DSCAM: variants seen among roughly 807,000 people sequenced by gnomAD.
The protein encoded by DSCAM is DS cell adhesion molecule, also known as cell adhesion molecule DSCAM.
In DSCAM, 47 loss-of-function variants were observed where a neutral mutation model predicts 217.7. The ratio of observed to expected loss-of-function variants is 0.22; its 90% confidence interval spans 0.17 to 0.28. The LOEUF (loss-of-function observed/expected upper bound fraction) is 0.28. Ranked by LOEUF, DSCAM falls within the 10% of genes least tolerant of loss-of-function variation. The probability of loss-of-function intolerance (pLI) is 1.00; values close to 1 mark genes in which losing one functional copy is unlikely to be tolerated. For missense variants in DSCAM, 2,080 were observed against 2,618.3 expected, an observed-to-expected ratio of 0.79 and a Z score of 4.49; for synonymous variants, 1,056 against 1,015.3, an observed-to-expected ratio of 1.04 and a Z score of -0.76.
intron 3 of DSCAM, among the ~76,000 whole-genome samples, chr21:40,671,842 G>A (rs2090279827): frequency 7.9e-5 from 12 of 152,142 alleles, no homozygotes. Context: ...AGTTCTCCAA[G>A]AAACCACAGT....
chr21:40,365,798 C>A (rs765161836), intron 4 of DSCAM, among the ~76,000 whole-genome samples: 1 of 152,178 alleles, frequency 6.6e-6, no homozygotes, highest in Non-Finnish European at 1.5e-5. Context: ...TAGCTCCTAA[C>A]AGCCATGAGC....
chr21:40,832,606 G>A (rs1354307285), intron 1 of DSCAM, among the ~76,000 whole-genome samples: 1 of 152,122 alleles, frequency 6.6e-6, no homozygotes, highest in African/African-American at 2.4e-5. Flanking sequence ...GAACGCAAGA[G>A]GCTATCGTTT....
At chr21:40,846,515 AAAAG>A (rs1349089533) in intron 1 of DSCAM, 100 bp downstream of exon 1, 12 of 428,860 alleles carry the variant, frequency 2.8e-5, no homozygotes, top group Admixed American at 1.1e-4. Flanking sequence ...ATGAAGCGGA[AAAAG>A]AAAGAAGACT....
chr21:40,017,896 T>TA (rs1415727267), intron 32 of DSCAM, among the ~76,000 whole-genome samples: 1 of 152,234 alleles, frequency 6.6e-6, no homozygotes, highest in Non-Finnish European at 1.5e-5. Context: ...GGCATTCTTG[T>TA]AAAAAGGGTT....
At chr21:40,159,238 GAT>G (rs2146754956) in intron 16 of DSCAM, among the ~76,000 whole-genome samples, 1 of 152,230 alleles carries the variant, frequency 6.6e-6, no homozygotes, top group East Asian at 1.9e-4. Flanking sequence ...TTCTTGATTG[GAT>G]ATATGTTTTC....
At chr21:40,832,210 A>G (rs1271633739) in intron 1 of DSCAM, among the ~76,000 whole-genome samples, 2 of 152,186 alleles carry the variant, frequency 1.3e-5, no homozygotes, top group Admixed American at 6.5e-5. Flanking sequence ...CTTCTTTACG[A>G]TGGTCATAAT....
At chr21:40,289,774 T>G (rs2073868755) in intron 10 of DSCAM, among the ~76,000 whole-genome samples, 1 of 151,488 alleles carries the variant, frequency 6.6e-6, no homozygotes, top group African/African-American at 2.4e-5. Context: ...CCCCTGGGGG[T>G]CTTGGGGCTG....
At chr21:40,053,742 T>C (rs1028428972) in intron 29 of DSCAM, among the ~76,000 whole-genome samples, 1 of 152,208 alleles carries the variant, frequency 6.6e-6, no homozygotes, top group Non-Finnish European at 1.5e-5. Context: ...TGGACTGGGA[T>C]GGATCTCTGG....
intron 1 of DSCAM, among the ~76,000 whole-genome samples, chr21:40,773,620 C>T (rs949723764): frequency 2.2e-4 from 34 of 152,204 alleles, no homozygotes; most frequent in Admixed American, 2.2e-3. Context: ...ACTACACCAA[C>T]CTAACACATT....
At chr21:40,181,987 T>G (rs1601415790) in intron 14 of DSCAM, among the ~76,000 whole-genome samples, 1 of 150,976 alleles carries the variant, frequency 6.6e-6, no homozygotes, top group Non-Finnish European at 1.5e-5. Flanking sequence ...GAGGAAGGAG[T>G]GAAGAGCTGA....
rs139158379 is a variant in DSCAM at position 40,304,989 on chromosome 21, C to T, written c.2062+7092G>A. On this transcript the variant is annotated intron_variant, in intron 9 of 32. Transcript: ENST00000400454. ...ATTACCAAAATGTGACATACAGACACGAAGTGGGCACACACTGTTGGAAAA... is the reference window on the plus strand; with the variant it reads ...ATTACCAAAATGTGACATACAGACATGAAGTGGGCACACACTGTTGGAAAA... Among the ~76,000 whole-genome samples the T allele has an allele frequency of 4.5e-3, 678 of 152,194 alleles. 10 individuals carry two copies. Among genetic ancestry groups the T allele is most frequent in the African/African-American group, 0.015 (629 of 41,512 alleles).
chr21:40,491,352 T>C (rs2076074732), intron 3 of DSCAM, among the ~76,000 whole-genome samples: 1 of 152,126 alleles, frequency 6.6e-6, no homozygotes, highest in Non-Finnish European at 1.5e-5. Flanking sequence ...TGATTGCTTC[T>C]GCCTAACCTT....
chr21:40,526,407 C>G (rs942921169), intron 3 of DSCAM, among the ~76,000 whole-genome samples: 16 of 152,102 alleles, frequency 1.1e-4, no homozygotes, highest in African/African-American at 3.9e-4. Flanking sequence ...TTGGCTTATT[C>G]AGGGAGAAGG....
chr21:40,767,828 T>C (rs896721369), intron 1 of DSCAM, among the ~76,000 whole-genome samples: 1 of 152,116 alleles, frequency 6.6e-6, no homozygotes, highest in African/African-American at 2.4e-5. Flanking sequence ...CCCGCAGTAG[T>C]TTAACATTGC....
At chr21:40,257,207 A>G (rs2073384224) in intron 11 of DSCAM, among the ~76,000 whole-genome samples, 1 of 152,190 alleles carries the variant, frequency 6.6e-6, no homozygotes, top group Admixed American at 6.5e-5. Context: ...AGAGTTCAAG[A>G]CTTTTCATAT....
chr21:40,037,176 C>A (rs1259991971), intron 32 of DSCAM, among the ~76,000 whole-genome samples: 1 of 148,864 alleles, frequency 6.7e-6, no homozygotes, highest in Non-Finnish European at 1.5e-5. Context: ...GGCAATTAGG[C>A]AGGAGAAGGA....
chr21:40,296,630 G>T (rs926905722), intron 9 of DSCAM, among the ~76,000 whole-genome samples: 9 of 152,012 alleles, frequency 5.9e-5, no homozygotes, highest in African/African-American at 2.2e-4. Context: ...CCTGGAGTTT[G>T]AGACCAGTCT....
intron 30 of DSCAM, 136 bp downstream of exon 30, chr21:40,051,822 A>G (rs2088936369): frequency 1.8e-5 from 19 of 1,071,762 alleles, no homozygotes; most frequent in Non-Finnish European, 2.5e-5. Context: ...TATCCCAATT[A>G]GGGATGTTAT....
At chr21:40,138,895 A>G in intron 18 of DSCAM, among the ~76,000 whole-genome samples, 1 of 102,392 alleles carries the variant, frequency 9.8e-6, no homozygotes, top group Non-Finnish European at 1.9e-5. Context: ...TGTGGTGTGT[A>G]AGTGTGGTGT....
Sources: gnomAD v4.1 joint callset for allele counts (sites outside exome capture counted in the v4.1 genomes callset) on GRCh38, gnomAD v4.1.1 for gene constraint, MANE v1.5 for transcripts, NCBI Gene and HGNC (gene_info 2026-07-23, HGNC 2026-07-21) for gene names.